Variants in ASTN1 observed in about 807,000 individuals in gnomAD.
ASTN1 encodes astrotactin 1.
ASTN1 carries 41 observed loss-of-function variants against 140.7 expected under a neutral mutation model. The ratio of observed to expected loss-of-function variants is 0.29; its 90% CI spans 0.23 to 0.38. The LOEUF is 0.38. Ranked by LOEUF, ASTN1 falls within the 10% of genes least tolerant of loss-of-function variation. ASTN1 has a pLI of 1.00. For missense variants in ASTN1, 1,479 were observed against 1,678.8 expected, an observed-to-expected ratio of 0.88 and a Z score of 2.08; for synonymous variants, 640 against 652.2, an observed-to-expected ratio of 0.98 and a Z score of 0.29.
chr1:176,874,667 G>C (rs897269751), intron 21 of ASTN1, among the ~76,000 whole-genome samples: 1 of 152,088 alleles, frequency 6.6e-6, no homozygotes, highest in African/African-American at 2.4e-5. Context: ...TCTATGGTTG[G>C]TTACTGATAA....
chr1:176,867,372 G>C (rs974148061), intron 22 of ASTN1, among the ~76,000 whole-genome samples: 3 of 152,136 alleles, frequency 2.0e-5, no homozygotes, highest in Non-Finnish European at 4.4e-5. Flanking sequence ...AGGTAGAAGG[G>C]AGTGGAGAGG....
chr1:176,922,942 C>G (rs560432484), intron 16 of ASTN1, among the ~76,000 whole-genome samples: 1 of 152,230 alleles, frequency 6.6e-6, no homozygotes, highest in South Asian at 2.1e-4. Context: ...GCACTGAACA[C>G]TTAAAAAATA....
In ASTN1 at chr1:176,966,514, T is replaced by C. The variant is rs79745060; in HGVS notation, c.1524-1277A>G. Reference sequence around the variant, plus strand: ...AAACCTGCTTCTAATGGTTTGAGCATAGATGCTAATTCCATTGACACATAA... The same window carrying C: ...AAACCTGCTTCTAATGGTTTGAGCACAGATGCTAATTCCATTGACACATAA... On this transcript the variant is annotated intron_variant, in intron 8 of 22. Transcript: ENST00000361833. Among the ~76,000 whole-genome samples the C allele has an allele frequency of 3.8e-3, 585 of 152,328 alleles. 6 individuals are homozygous for C. Among genetic ancestry groups the C allele is most frequent in the African/African-American group, 0.013 (541 of 41,570 alleles).
intron 13 of ASTN1, among the ~76,000 whole-genome samples, chr1:176,945,183 C>T (rs1261895560): frequency 6.6e-6 from 1 of 152,040 alleles, no homozygotes; most frequent in Admixed American, 6.5e-5. Context: ...TGGTTTGAAA[C>T]ATTTTATTCT....
intron 16 of ASTN1, among the ~76,000 whole-genome samples, chr1:176,929,925 G>A (rs531428994): frequency 2.6e-5 from 4 of 152,070 alleles, no homozygotes; most frequent in Admixed American, 6.5e-5. Context: ...GGAGAATGGC[G>A]TGAACCCAGG....
rs146573491 is a variant in ASTN1 at position 177,124,438 on chromosome 1, A to G, written c.283+39956T>C. On this transcript the variant is annotated intron_variant, in intron 1 of 22. Coordinates refer to ENST00000361833, the MANE Select transcript of ASTN1 (RefSeq NM_004319.3). Reference sequence around the variant, plus strand: ...AATCCTCTCCCACAAAATTCTCACCAGGAGGGATGAGATAAAGAAGGCCTA... The same window carrying G: ...AATCCTCTCCCACAAAATTCTCACCGGGAGGGATGAGATAAAGAAGGCCTA... Among the ~76,000 whole-genome samples, 248 of 152,294 alleles carry G rather than the reference A, an allele frequency of 1.6e-3. 1 individual carries two copies. Among genetic ancestry groups the G allele is most frequent in the Middle Eastern group, 6.8e-3 (2 of 294 alleles).
At chr1:177,086,905 T>G (rs776150175) in intron 1 of ASTN1, among the ~76,000 whole-genome samples, 7 of 152,214 alleles carry the variant, frequency 4.6e-5, no homozygotes, top group Non-Finnish European at 7.3e-5. Flanking sequence ...TTATGATAAC[T>G]AATATGCATA....
At chr1:176,983,040 T>A (rs528586991) in intron 8 of ASTN1, among the ~76,000 whole-genome samples, 1 of 152,156 alleles carries the variant, frequency 6.6e-6, no homozygotes, top group Non-Finnish European at 1.5e-5. Context: ...TTTCCAGGTA[T>A]GCACATGAGT....
rs71129589 is a variant in ASTN1 at position 176,922,556 on chromosome 1, C to CAAAAAAAAAAAAAAAAA, written c.2671+11579_2671+11595dup. On this transcript the variant is annotated intron_variant, in intron 16 of 22. Transcript: ENST00000361833. ...ACAGTGTCCACTCCAGCCCCCACTG[C>CAAAAAAAAAAAAAAAAA]AAAAAAAAAAAAAAAAAAAAAAAAA... 1.3e-3 allele frequency among the ~76,000 whole-genome samples: 99 copies of CAAAAAAAAAAAAAAAAA among 77,584 alleles called. 2 individuals carry two copies. The highest frequency in any genetic ancestry group is 1.8e-3 in the Non-Finnish European group (73 of 41,602). The allele number at this position is 77,584 out of a possible 152,430, so 50.9% of individuals were successfully genotyped here. A position where few individuals can be genotyped will look rare whatever the true frequency, so the allele number is the denominator to read the frequency against.
rs748571564 is a variant in ASTN1, at chr1:176,949,036, T to C, written c.2054+149A>G. ...ATGTTCCCCCTCGACTTTAAAAATGTTCCCCCCCAAGTCCTAGAGGCTCTT... is the reference window on the plus strand; with the variant it reads ...ATGTTCCCCCTCGACTTTAAAAATGCTCCCCCCCAAGTCCTAGAGGCTCTT... On this transcript the variant is annotated intron_variant, in intron 12 of 22. Transcript: ENST00000361833. The C allele has an allele frequency of 1.6e-5, 18 of 1,142,188 alleles. No homozygotes were observed. In the African/African-American group the frequency reaches 2.0e-4, roughly 13 times the overall value. The allele number at this position is 1,142,188 out of a possible 1,614,324, so 70.8% of individuals were successfully genotyped here.
intron 2 of ASTN1, among the ~76,000 whole-genome samples, chr1:177,050,834 T>C (rs1027988083): frequency 6.6e-6 from 1 of 152,164 alleles, no homozygotes; most frequent in Non-Finnish European, 1.5e-5. Context: ...TAATCCTGCT[T>C]CTATTCTTAC....
At chr1:177,138,003 C>T (rs12085539) in intron 1 of ASTN1, among the ~76,000 whole-genome samples, 23,366 of 152,014 alleles carry the variant, frequency 0.15, 3,603 homozygotes, top group African/African-American at 0.4. Flanking sequence ...GCAGGAAATA[C>T]GGCCCTCTAG....
At chr1:176,908,926 C>T (rs553860432) in intron 16 of ASTN1, among the ~76,000 whole-genome samples, 12 of 152,328 alleles carry the variant, frequency 7.9e-5, no homozygotes, top group South Asian at 2.1e-4. Context: ...GTAGGCTTCA[C>T]GTCTGCAAGA....
At chr1:176,888,002 TC>T in intron 18 of ASTN1, 68 bp downstream of exon 18, 3 of 1,599,488 alleles carry the variant, frequency 1.9e-6, no homozygotes, top group Non-Finnish European at 2.6e-6. Context: ...CCAGCCTATT[TC>T]TTTGCAAATA....
chr1:177,034,287 C>A (rs924669775), intron 2 of ASTN1, among the ~76,000 whole-genome samples: 9 of 145,966 alleles, frequency 6.2e-5, no homozygotes, highest in African/African-American at 2.3e-4. Context: ...ACACACACTG[C>A]CACTTTCAAG....
At chr1:176,911,406 T>A (rs1240075552) in intron 16 of ASTN1, among the ~76,000 whole-genome samples, 2 of 152,214 alleles carry the variant, frequency 1.3e-5, no homozygotes, top group Non-Finnish European at 2.9e-5. Context: ...CTTCATAAAC[T>A]TTTTAATATT....
chr1:177,002,042 G>A (rs1172423485), intron 8 of ASTN1, among the ~76,000 whole-genome samples: 1 of 152,096 alleles, frequency 6.6e-6, no homozygotes, highest in Non-Finnish European at 1.5e-5. Flanking sequence ...CAGTCTTAGG[G>A]CCTTGAACAA....
chr1:176,983,291 C>T (rs1673716929), intron 8 of ASTN1, among the ~76,000 whole-genome samples: 1 of 152,166 alleles, frequency 6.6e-6, no homozygotes, highest in Non-Finnish European at 1.5e-5. Context: ...GATCTCTCCA[C>T]ACTGTCTCCA....
chr1:177,096,952 C>G (rs1479813279), intron 1 of ASTN1, among the ~76,000 whole-genome samples: 3 of 152,130 alleles, frequency 2.0e-5, no homozygotes, highest in Admixed American at 2.0e-4. Flanking sequence ...CATCTCTGAA[C>G]TAAGAAATGG....
Sources: gnomAD v4.1 joint callset for allele counts (sites outside exome capture counted in the v4.1 genomes callset) on GRCh38, gnomAD v4.1.1 for gene constraint, MANE v1.5 for transcripts, NCBI Gene and HGNC (gene_info 2026-07-23, HGNC 2026-07-21) for gene names.